PPP2R5E: variants seen among roughly 807,000 people sequenced by gnomAD.
PPP2R5E encodes the protein protein phosphatase 2 regulatory subunit B'epsilon, also known as serine/threonine-protein phosphatase 2A 56 kDa regulatory subunit epsilon isoform.
A neutral mutation model predicts 65.3 loss-of-function variants in PPP2R5E; 4 were observed. The ratio of observed to expected loss-of-function variants is 0.06; its 90% CI spans 0.03 to 0.14. The LOEUF (loss-of-function observed/expected upper bound fraction) is 0.14. PPP2R5E is among the 10% of genes least tolerant of loss of function. The pLI is 1.00. For synonymous variants in PPP2R5E, 183 were observed against 187.4 expected, an observed-to-expected ratio of 0.98 and a Z score of 0.19; for missense variants, 274 against 556.1, an observed-to-expected ratio of 0.49 and a Z score of 5.10.
chr14:63,457,903 A>G (rs57603201), intron 2 of PPP2R5E, among the ~76,000 whole-genome samples: 5,899 of 152,176 alleles, frequency 0.039, 363 homozygotes, highest in African/African-American at 0.13. Flanking sequence ...CCAAGAAAAG[A>G]ATGCAATGAC....
rs182145570 is a variant in PPP2R5E at position 63,455,618 on chromosome 14, C to A, written c.158-1733G>T. On this transcript the variant is annotated intron_variant, in intron 2 of 13. Transcript: ENST00000337537. ...CTACAAGAACTAAATTCAGTCAGAC[C>A]AAACTCTCTAAGTGCTACCTGCTTT... Among the ~76,000 whole-genome samples the A allele has an allele frequency of 3.8e-3, 571 of 152,116 alleles. 4 individuals are homozygous for A. Among genetic ancestry groups the A allele is most frequent in the Middle Eastern group, 6.8e-3 (2 of 294 alleles).
chr14:63,378,493 T>C (rs997216450), intron 13 of PPP2R5E, among the ~76,000 whole-genome samples: 5 of 152,252 alleles, frequency 3.3e-5, no homozygotes, highest in Non-Finnish European at 5.9e-5. Flanking sequence ...AAGTGTTTCA[T>C]GTTTTTGATC....
chr14:63,372,280 T>C lies in PPP2R5E; in HGVS notation c.*3729A>G, dbSNP rs377037306. The C allele has an allele frequency of 6.6e-6, 1 of 152,176 alleles. No individual in the cohort carries two copies. 9.4% of individuals were successfully genotyped at this position (152,176 alleles called of 1,614,324 possible). ...ACTTTCTCTCAAGATGCACAATCCT[T>C]CTTTTAGGTTTTCAAAATTAAATAT... On this transcript the variant is annotated 3_prime_UTR_variant, in exon 14 of 14. Transcript: ENST00000337537.
Position 63,453,644 on chromosome 14 carries a change from A to G in PPP2R5E, c.354+45T>C, listed in dbSNP as rs369803425. The G allele has an allele frequency of 1.7e-5, 27 of 1,572,488 alleles. No homozygotes were observed. The African/African-American group carries it at 2.6e-4, about 15-fold the overall frequency. On this transcript the variant is annotated intron_variant, in intron 3 of 13. Coordinates refer to ENST00000337537, the MANE Select transcript of PPP2R5E (RefSeq NM_006246.5). ...GCAATATATACACCTGTGAGTCACTATGGAAGATGCTTAAAAGTGTCCGCG... is the reference window on the plus strand; with the variant it reads ...GCAATATATACACCTGTGAGTCACTGTGGAAGATGCTTAAAAGTGTCCGCG...
chr14:63,506,401 A>G (rs1283457311), intron 2 of PPP2R5E, among the ~76,000 whole-genome samples: 1 of 152,178 alleles, frequency 6.6e-6, no homozygotes, highest in Non-Finnish European at 1.5e-5. Context: ...CAGTGAGCCG[A>G]GACTGCGCCA....
chr14:63,518,156 G>A (rs1892739990), intron 2 of PPP2R5E, among the ~76,000 whole-genome samples: 1 of 152,148 alleles, frequency 6.6e-6, no homozygotes, highest in African/African-American at 2.4e-5. Context: ...GCTCACTGCA[G>A]CCTCGAACTC....
intron 2 of PPP2R5E, among the ~76,000 whole-genome samples, chr14:63,505,272 G>C (rs925446695): frequency 6.6e-6 from 1 of 152,164 alleles, no homozygotes; most frequent in African/African-American, 2.4e-5. Flanking sequence ...GGAGGAAAGA[G>C]TGAGACTCTG....
At position 63,539,522 on chromosome 14, in the gene PPP2R5E, G is replaced by A; in HGVS notation, c.157+7C>T. On this transcript the variant is annotated splice_region_variant and intron_variant, in intron 2 of 13. Coordinates refer to ENST00000337537, the MANE Select transcript of PPP2R5E (RefSeq NM_006246.5). ...AAAAGAATGCATCACCTGGTCATGA[G>A]CCTTACCTTTTAGCAGCGGCAGAGG... 2.5e-6 allele frequency: 4 copies of A among 1,612,898 alleles called. No homozygotes were observed. The highest frequency in any genetic ancestry group is 3.4e-6 in the Non-Finnish European group (4 of 1,179,306).
At position 63,477,581 on chromosome 14, in the gene PPP2R5E, GA is replaced by G. The variant is rs34849978; in HGVS notation, c.158-23697del. On this transcript the variant is annotated intron_variant, in intron 2 of 13. Transcript: ENST00000337537. ...GGAAGGAGAGGAGAAGAGGGAATAA[GA>G]AAAAAAAGGGAAAAACAAATTAGAT... 7.5e-3 allele frequency among the ~76,000 whole-genome samples: 1,133 copies of G among 150,206 alleles called. 9 individuals carry two copies. Among genetic ancestry groups the G allele is most frequent in the Non-Finnish European group, 8.9e-3 (598 of 67,404 alleles).
At chr14:63,415,327 C>T in intron 4 of PPP2R5E, 95 bp from the exon 5 acceptor site, 1 of 771,412 alleles carries the variant, frequency 1.3e-6, no homozygotes, top group Non-Finnish European at 2.0e-6. Context: ...AGTGACAGGG[C>T]TTAGAAAATT....
intron 3 of PPP2R5E, among the ~76,000 whole-genome samples, chr14:63,447,153 A>G (rs1276188662): frequency 6.6e-6 from 1 of 152,216 alleles, no homozygotes; most frequent in Non-Finnish European, 1.5e-5. Context: ...CAGTGGCATT[A>G]GTTCCTAACA....
chr14:63,374,474 A>T lies in PPP2R5E; in HGVS notation c.*1535T>A, dbSNP rs1883865918. Reference sequence around the variant, plus strand: ...AACTCACTGCTGCCATGACCAAAACAAGCAAATGCATCCTGGAAATAAACC... The same window carrying T: ...AACTCACTGCTGCCATGACCAAAACTAGCAAATGCATCCTGGAAATAAACC... On this transcript the variant is annotated 3_prime_UTR_variant, in exon 14 of 14. Transcript: ENST00000337537. 1 of 151,716 alleles carries T rather than the reference A, an allele frequency of 6.6e-6. No homozygotes were observed. The highest frequency in any genetic ancestry group is 1.5e-5 in the Non-Finnish European group (1 of 67,928). 9.4% of individuals were successfully genotyped at this position (151,716 alleles called of 1,614,324 possible).
At chr14:63,432,910 C>G (rs1009445766) in intron 3 of PPP2R5E, among the ~76,000 whole-genome samples, 1 of 151,756 alleles carries the variant, frequency 6.6e-6, no homozygotes, top group African/African-American at 2.4e-5. Context: ...ATATAAAGTT[C>G]TAAATTAGAC....
intron 2 of PPP2R5E, among the ~76,000 whole-genome samples, chr14:63,531,782 C>T (rs1893447487): frequency 6.6e-6 from 1 of 151,980 alleles, no homozygotes; most frequent in South Asian, 2.1e-4. Context: ...GGTGAAACCC[C>T]ATCTCTATTA....
At chr14:63,422,652 G>A (rs915787521) in intron 3 of PPP2R5E, among the ~76,000 whole-genome samples, 1 of 150,772 alleles carries the variant, frequency 6.6e-6, no homozygotes, top group African/African-American at 2.4e-5. Flanking sequence ...CGTGAACCCC[G>A]GAGGACGGAG....
At chr14:63,436,251 G>A (rs1887947180) in intron 3 of PPP2R5E, among the ~76,000 whole-genome samples, 1 of 152,206 alleles carries the variant, frequency 6.6e-6, no homozygotes, top group South Asian at 2.1e-4. Flanking sequence ...CTGCTATGAG[G>A]ACTTCATGGT....
intron 1 of PPP2R5E, among the ~76,000 whole-genome samples, chr14:63,542,376 G>A (rs938944379): frequency 6.6e-6 from 1 of 152,130 alleles, no homozygotes; most frequent in Non-Finnish European, 1.5e-5. Flanking sequence ...AGTAGGGAAA[G>A]ACAGGGAAGG....
intron 10 of PPP2R5E, among the ~76,000 whole-genome samples, chr14:63,390,352 G>C (rs1884948837): frequency 6.8e-6 from 1 of 147,952 alleles, no homozygotes; most frequent in Non-Finnish European, 1.5e-5. Flanking sequence ...TCTCTACAAA[G>C]CACAGTGAAT....
chr14:63,491,650 C>A (rs1482201726), intron 2 of PPP2R5E, among the ~76,000 whole-genome samples: 1 of 152,074 alleles, frequency 6.6e-6, no homozygotes, highest in Admixed American at 6.6e-5. Context: ...GAGATCGACA[C>A]CAGCCTGGCC....
Sources: gnomAD v4.1 joint callset for allele counts (sites outside exome capture counted in the v4.1 genomes callset) on GRCh38, gnomAD v4.1.1 for gene constraint, MANE v1.5 for transcripts, NCBI Gene and HGNC (gene_info 2026-07-23, HGNC 2026-07-21) for gene names.